The following PARD3 variants were observed in gnomAD, a reference collection of about 807,000 sequenced individuals.
The protein encoded by PARD3 is par-3 family cell polarity regulator.
PARD3 carries 75 observed loss-of-function variants against 155.4 expected under a neutral mutation model. The observed-to-expected ratio is 0.48, with a 90% CI of 0.40 to 0.58. The LOEUF is 0.58. Among genes scored for constraint, PARD3 ranks in the 20% least tolerant of loss-of-function variants. The probability of loss-of-function intolerance (pLI) is 0.00; values close to 1 mark genes in which losing one functional copy is unlikely to be tolerated. For synonymous variants in PARD3, 576 were observed against 610.5 expected (o/e 0.94, Z 0.83); for missense variants, 1,642 against 1,721.7 (o/e 0.95, Z 0.82).
At chr10:34,117,265 T>C (rs1388638716) in intron 24 of PARD3, among the ~76,000 whole-genome samples, 1 of 152,084 alleles carries the variant, frequency 6.6e-6, no homozygotes, top group Non-Finnish European at 1.5e-5. Flanking sequence ...GCCAAACAAC[T>C]GGCCAATAAA....
At chr10:34,688,144 C>T (rs887886397) in intron 2 of PARD3, among the ~76,000 whole-genome samples, 11 of 152,106 alleles carry the variant, frequency 7.2e-5, no homozygotes, top group Non-Finnish European at 1.2e-4. Context: ...TGAGCCATGG[C>T]GCCTGGCTCT....
chr10:34,179,997 T>A (rs1476863258), intron 22 of PARD3, among the ~76,000 whole-genome samples: 2 of 152,146 alleles, frequency 1.3e-5, no homozygotes, highest in Non-Finnish European at 2.9e-5. Flanking sequence ...GATACAGGCA[T>A]GCAATGTGAC....
intron 22 of PARD3, among the ~76,000 whole-genome samples, chr10:34,170,685 A>G (rs1324617508): frequency 6.6e-6 from 1 of 152,182 alleles, no homozygotes; most frequent in Non-Finnish European, 1.5e-5. Flanking sequence ...GAGAAAAGCC[A>G]TCTTTCTAGA....
At chr10:34,619,044 CTT>C (rs869232523) in intron 2 of PARD3, among the ~76,000 whole-genome samples, 3 of 143,198 alleles carry the variant, frequency 2.1e-5, no homozygotes, top group African/African-American at 7.7e-5. Flanking sequence ...CCCATAAAGC[CTT>C]TTTTTTTTTT....
chr10:34,791,339 G>A (rs977833594), intron 1 of PARD3, among the ~76,000 whole-genome samples: 1 of 152,078 alleles, frequency 6.6e-6, no homozygotes, highest in Non-Finnish European at 1.5e-5. Context: ...CACACTGCTG[G>A]CAGCCGCAAA....
At chr10:34,169,502 T>C (rs568443712) in intron 22 of PARD3, among the ~76,000 whole-genome samples, 19 of 152,186 alleles carry the variant, frequency 1.2e-4, no homozygotes, top group African/African-American at 4.1e-4. Flanking sequence ...AGCCAGGGGA[T>C]GGACAGAGAA....
intron 22 of PARD3, among the ~76,000 whole-genome samples, chr10:34,195,235 TTAA>T (rs1950885787): frequency 6.6e-6 from 1 of 152,190 alleles, no homozygotes; most frequent in South Asian, 2.1e-4. Context: ...CAAGACAAAC[TTAA>T]TTATTTTTGT....
chr10:34,416,408 G>C (rs1845682579), intron 5 of PARD3, among the ~76,000 whole-genome samples: 1 of 152,172 alleles, frequency 6.6e-6, no homozygotes, highest in African/African-American at 2.4e-5. Context: ...ACTTTGCAGA[G>C]AACATCACTA....
chr10:34,764,378 A>C (rs1372185271), intron 1 of PARD3, among the ~76,000 whole-genome samples: 1 of 152,218 alleles, frequency 6.6e-6, no homozygotes, highest in Non-Finnish European at 1.5e-5. Context: ...TTGAATAAAA[A>C]ATGGTGGTTG....
chr10:34,179,894 G>T (rs1175704438), intron 22 of PARD3, among the ~76,000 whole-genome samples: 1 of 152,136 alleles, frequency 6.6e-6, no homozygotes, highest in Non-Finnish European at 1.5e-5. Flanking sequence ...CTTTAGGAGG[G>T]ACTGTGGTTA....
chr10:34,666,467 T>C (rs1376202577), intron 2 of PARD3, among the ~76,000 whole-genome samples: 2 of 152,036 alleles, frequency 1.3e-5, no homozygotes, highest in Non-Finnish European at 2.9e-5. Context: ...CACTAGACTC[T>C]AGGTGGCACT....
intron 22 of PARD3, among the ~76,000 whole-genome samples, chr10:34,223,798 C>T (rs1273088007): frequency 1.3e-5 from 2 of 152,190 alleles, no homozygotes. Context: ...ACCTTTGTAA[C>T]ATCTCTGTGA....
chr10:34,301,729 T>G (rs984204705), intron 20 of PARD3, among the ~76,000 whole-genome samples: 2 of 152,040 alleles, frequency 1.3e-5, no homozygotes, highest in African/African-American at 4.8e-5. Context: ...TAGGATCCTC[T>G]TCCAGTATTT....
At position 34,372,371 on chromosome 10, in the gene PARD3, A is replaced by G. The variant is rs1840772216; in HGVS notation, c.1707+127T>C. The G allele has an allele frequency of 4.1e-5, 30 of 723,388 alleles. No individual in the cohort carries two copies. The South Asian group carries it at 4.9e-4, about 12-fold the overall frequency. The allele number at this position is 723,388 out of a possible 1,614,324, so 44.8% of individuals were successfully genotyped here. On this transcript the variant is annotated intron_variant, in intron 12 of 24. Coordinates refer to ENST00000374788, the MANE Select transcript of PARD3 (RefSeq NM_001184785.2). ...AAATAAGACCACTTTGGCATTTAATAAACCCATGTATTAAATATTACGAGC... is the reference window on the plus strand; with the variant it reads ...AAATAAGACCACTTTGGCATTTAATGAACCCATGTATTAAATATTACGAGC...
intron 16 of PARD3, among the ~76,000 whole-genome samples, chr10:34,338,823 C>G (rs886758582): frequency 1.3e-5 from 2 of 152,200 alleles, no homozygotes; most frequent in African/African-American, 4.8e-5. Flanking sequence ...ATAAAGAGAA[C>G]AGTTGTCTCA....
chr10:34,502,096 C>A (rs920644874), intron 3 of PARD3, among the ~76,000 whole-genome samples: 11 of 152,216 alleles, frequency 7.2e-5, no homozygotes, highest in Non-Finnish European at 1.5e-5. Context: ...CACTCGCAGC[C>A]TGTAGGACAT....
intron 1 of PARD3, among the ~76,000 whole-genome samples, chr10:34,798,009 AACAC>A (rs1254796081): frequency 3.3e-5 from 5 of 152,168 alleles, no homozygotes; most frequent in African/African-American, 1.2e-4. Flanking sequence ...CAAAAAAGAA[AACAC>A]ACAAAGACAC....
chr10:34,732,555 G>A (rs35190695), intron 1 of PARD3, among the ~76,000 whole-genome samples: 42,125 of 151,922 alleles, frequency 0.28, 7,184 homozygotes, highest in Non-Finnish European at 0.38. Flanking sequence ...TTAATTAGCC[G>A]GGCATAGTGG....
At chr10:34,414,243 G>T (rs150306355) in intron 5 of PARD3, among the ~76,000 whole-genome samples, 3 of 151,750 alleles carry the variant, frequency 2.0e-5, no homozygotes, top group Non-Finnish European at 4.4e-5. Context: ...AGGGAGGGGG[G>T]AGAAACAAAT....
Sources: allele counts gnomAD v4.1 joint callset (sites outside exome capture counted in the v4.1 genomes callset), GRCh38; gene constraint gnomAD v4.1.1; transcripts MANE v1.5; gene names NCBI Gene and HGNC (gene_info 2026-07-23, HGNC 2026-07-21).